The following UTP18 variants were observed in gnomAD, a reference collection of about 807,000 sequenced individuals.
UTP18 encodes UTP18 small subunit processome component.
Under a neutral mutation model 61.1 loss-of-function variants are expected in UTP18, and 36 were observed. That is an observed-to-expected ratio of 0.59 (90% CI 0.45 to 0.78). The LOEUF (loss-of-function observed/expected upper bound fraction) is 0.78, where lower values mean the gene tolerates loss of function less well. UTP18 is among the 30% of genes least tolerant of loss of function. The probability of loss-of-function intolerance (pLI) is 0.00; values close to 1 mark genes in which losing one functional copy is unlikely to be tolerated. For synonymous variants in UTP18, 282 were observed against 251.1 expected (o/e 1.12, Z -1.16); for missense variants, 753 against 693.9 (o/e 1.09, Z -0.96).
At chr17:51,273,597 TG>T (rs1023737851) in intron 5 of UTP18, 147 bp downstream of exon 5, 62 of 496,306 alleles carry the variant, frequency 1.2e-4, no homozygotes, top group South Asian at 2.2e-4. Flanking sequence ...CTTATGTTAT[TG>T]TTTTTTTTTT....
chr17:51,268,814 A>G, intron 3 of UTP18, 23 bp from the exon 4 acceptor site: 2 of 1,608,414 alleles, frequency 1.2e-6, no homozygotes, highest in South Asian at 1.1e-5. Context: ...CCATAAATAT[A>G]TTTTTCAAAT....
At chr17:51,261,107 C>G (rs1408326383) in intron 1 of UTP18, among the ~76,000 whole-genome samples, 181 bp downstream of exon 1, 1 of 152,258 alleles carries the variant, frequency 6.6e-6, no homozygotes, top group African/African-American at 2.4e-5. Context: ...CTGCTCCAGA[C>G]TGAAAGTGCC....
At chr17:51,276,154 T>G (rs1296210099) in intron 6 of UTP18, among the ~76,000 whole-genome samples, 163 bp downstream of exon 6, 1 of 152,186 alleles carries the variant, frequency 6.6e-6, no homozygotes, top group African/African-American at 2.4e-5. Flanking sequence ...GTTCATTTAC[T>G]TGGAAATACA....
chr17:51,293,907 A>G lies in UTP18; in HGVS notation c.1508A>G (p.His503Arg), dbSNP rs557946868. The G allele has an allele frequency of 1.7e-5, 27 of 1,575,168 alleles. No individual in the cohort carries two copies. The highest frequency in any genetic ancestry group is 8.5e-5 in the South Asian group (7 of 82,840). The change falls in exon 12 of 14, where the codon CAT (histidine) becomes CGT (arginine). Residue 503 changes from histidine (H) to arginine (R), a missense_variant. Transcript: ENST00000225298. ...GTTTTTTATTATCTCCTGCAGGTTC[A>G]TCTTCCTTCCTGTACAGTATTTTCA... ...EKMKEAVRLV[H>R]LPSCTVFSNF...
chr17:51,261,004 GC>G (rs2055452501), intron 1 of UTP18, 78 bp downstream of exon 1: 11 of 1,275,448 alleles, frequency 8.6e-6, no homozygotes, highest in Non-Finnish European at 1.1e-5. Flanking sequence ...GGGGGGCGGA[GC>G]CTGGGCGACC....
At chr17:51,279,019 G>A (rs575072382) in intron 7 of UTP18, among the ~76,000 whole-genome samples, 1 of 152,276 alleles carries the variant, frequency 6.6e-6, no homozygotes, top group African/African-American at 2.4e-5. Flanking sequence ...TTTTCCTGTA[G>A]TGGAACAAGG....
rs1367154595 is a variant in UTP18, at chr17:51,297,839, AATATGTG to A, written c.*76_*82del. ...ATATATCATCTCAGAAACTTTCCTG[AATATGTG>A]ATAATATATGGAAAATGATTTATAG... On this transcript the variant is annotated 3_prime_UTR_variant, in exon 14 of 14. Coordinates refer to ENST00000225298, the MANE Select transcript of UTP18 (RefSeq NM_016001.3). 1.9e-5 allele frequency: 7 copies of A among 374,592 alleles called. No individual in the cohort carries two copies. Among genetic ancestry groups the A allele is most frequent in the South Asian group, 1.4e-4 (7 of 49,244 alleles). The allele number at this position is 374,592 out of a possible 1,614,324, so 23.2% of individuals were successfully genotyped here.
At chr17:51,265,206 T>G (rs2055547730) in intron 2 of UTP18, among the ~76,000 whole-genome samples, 1 of 152,118 alleles carries the variant, frequency 6.6e-6, no homozygotes, top group African/African-American at 2.4e-5. Flanking sequence ...TAGTAAGTAG[T>G]TAACAGAGAG....
chr17:51,263,175 A>G (rs750926492), intron 1 of UTP18, 99 bp from the exon 2 acceptor site: 3 of 918,318 alleles, frequency 3.3e-6, no homozygotes, highest in Non-Finnish European at 5.1e-6. Context: ...AGAGAGTGGT[A>G]GAAAAAACAT....
chr17:51,288,241 T>A (rs779615290), intron 11 of UTP18, 38 bp downstream of exon 11: 25 of 1,517,136 alleles, frequency 1.6e-5, no homozygotes, highest in East Asian at 4.6e-5. Flanking sequence ...TGTTATTTTT[T>A]AAATTTAAGT....
At chr17:51,281,762 G>A (rs1239812812) in intron 9 of UTP18, among the ~76,000 whole-genome samples, 1 of 152,098 alleles carries the variant, frequency 6.6e-6, no homozygotes, top group Non-Finnish European at 1.5e-5. Flanking sequence ...TGTGTTTTCT[G>A]TATTATTCCT....
chr17:51,261,024 C>A, intron 1 of UTP18, 98 bp downstream of exon 1: 1 of 1,163,976 alleles, frequency 8.6e-7, no homozygotes, highest in Non-Finnish European at 1.1e-6. Flanking sequence ...CCTGCGGCGG[C>A]GGGGAGCGCT....
intron 11 of UTP18, 98 bp from the exon 12 acceptor site, chr17:51,293,805 A>G: frequency 9.4e-7 from 1 of 1,063,624 alleles, no homozygotes; most frequent in East Asian, 2.8e-5. Context: ...AATCAAAATG[A>G]GCTTTATGTT....
At chr17:51,293,857 G>T in intron 11 of UTP18, 46 bp from the exon 12 acceptor site, 3 of 1,420,262 alleles carry the variant, frequency 2.1e-6, no homozygotes, top group Non-Finnish European at 9.3e-7. Flanking sequence ...TAAGAAACAT[G>T]AGCTCCCAGT....
chr17:51,273,774 T>TAAA (rs1567701016), intron 5 of UTP18, among the ~76,000 whole-genome samples: 4 of 151,200 alleles, frequency 2.6e-5, no homozygotes, highest in Admixed American at 1.3e-4. Flanking sequence ...AATAAATAAA[T>TAAA]TTTCCAGTAA....
In UTP18 at chr17:51,281,366, C is replaced by T. The variant is rs1485304019; in HGVS notation, c.1204+887C>T. On this transcript the variant is annotated intron_variant, in intron 9 of 13. Coordinates refer to ENST00000225298, the MANE Select transcript of UTP18 (RefSeq NM_016001.3). The stretch of plus-strand genomic sequence containing the variant: ...TTTAAAAGATTATTCAGGGGTAAAT[C>T]ATTCTCCTATGATTCCCCATGCTAT... Among the ~76,000 whole-genome samples the T allele has an allele frequency of 5.3e-5, 8 of 152,018 alleles. No homozygotes were observed. In the East Asian group the frequency reaches 1.4e-3, roughly 26 times the overall value.
intron 2 of UTP18, among the ~76,000 whole-genome samples, chr17:51,265,898 A>C (rs1238395801): frequency 1.3e-5 from 2 of 152,168 alleles, no homozygotes; most frequent in Non-Finnish European, 2.9e-5. Flanking sequence ...TCTTTGATTT[A>C]CTTGGGGTTT....
chr17:51,292,522 G>A (rs1251680616), intron 11 of UTP18, among the ~76,000 whole-genome samples: 1 of 152,244 alleles, frequency 6.6e-6, no homozygotes, highest in Non-Finnish European at 1.5e-5. Context: ...GTATGTATCA[G>A]TGGTTTTTAC....
At chr17:51,274,219 ATTC>A (rs1904637658) in intron 5 of UTP18, among the ~76,000 whole-genome samples, 1 of 152,118 alleles carries the variant, frequency 6.6e-6, no homozygotes, top group Admixed American at 6.5e-5. Flanking sequence ...TGGCTAGCTC[ATTC>A]TTACCTTTCT....
Sources: allele counts gnomAD v4.1 joint callset (sites outside exome capture counted in the v4.1 genomes callset), GRCh38; gene constraint gnomAD v4.1.1; transcripts MANE v1.5; gene names NCBI Gene and HGNC (gene_info 2026-07-23, HGNC 2026-07-21).